The following NOD2 variants were observed in gnomAD, a reference collection of about 807,000 sequenced individuals.
NOD2 encodes the protein nucleotide binding oligomerization domain containing 2, also known as nucleotide-binding oligomerization domain-containing protein 2.
NOD2 carries 86 observed loss-of-function variants against 90.9 expected under a neutral mutation model. That is an observed-to-expected ratio of 0.95 (90% CI 0.79 to 1.13). NOD2 has a LOEUF of 1.13. Among genes scored for constraint, NOD2 ranks in the 50% most tolerant of loss-of-function variants. The pLI is 0.00. For synonymous variants in NOD2, 581 were observed against 554.6 expected (o/e 1.05, Z -0.67); for missense variants, 1,238 against 1,283.8 (o/e 0.96, Z 0.55).
rs1284557712 is a variant in NOD2, at chr16:50,710,681, T to G, written c.689T>G (p.Leu230Arg). 3 of 1,613,984 alleles carry G rather than the reference T, an allele frequency of 1.9e-6. No individual in the cohort carries two copies. In the Admixed American group the frequency reaches 5.0e-5, roughly 27 times the overall value. Residue 230 changes from leucine (L) to arginine (R), a missense_variant, in exon 4 of 12, where the codon CTG becomes CGG. Coordinates refer to ENST00000647318, the MANE Select transcript of NOD2 (RefSeq NM_001370466.1). Reference sequence around the variant, plus strand: ...GAGGACATATACACAGAGAATGTCCTGGAGGTCTGGGCAGATGTGGGCATG... The same window carrying G: ...GAGGACATATACACAGAGAATGTCCGGGAGGTCTGGGCAGATGTGGGCATG... ...CLEDIYTENV[L>R]EVWADVGMAG...
At position 50,710,582 on chromosome 16, in the gene NOD2, C is replaced by T. The variant is rs375336137; in HGVS notation, c.590C>T (p.Ala197Val). Reference protein sequence around the residue: ...LEAATCKKYMAKLRTTVSAQS... With the variant: ...LEAATCKKYMVKLRTTVSAQS... Reference sequence around the variant, plus strand: ...GCTGCCACATGCAAGAAGTATATGGCCAAGCTGAGGACCACGGTGTCTGCT... The same window carrying T: ...GCTGCCACATGCAAGAAGTATATGGTCAAGCTGAGGACCACGGTGTCTGCT... Residue 197 changes from alanine to valine, a missense_variant, in exon 4 of 12, where the codon GCC (alanine) becomes GTC (valine). Ala to Val is a moderately conservative substitution (Grantham distance 64). Around this residue, in one of 3 missense-constraint regions of NOD2, gnomAD observed 567 missense variants for 577.3 expected, o/e 0.98. Coordinates refer to ENST00000647318, the MANE Select transcript of NOD2 (RefSeq NM_001370466.1). 1.5e-5 allele frequency: 25 copies of T among 1,614,184 alleles called. No homozygotes were observed. The African/African-American group carries it at 2.7e-4, about 17-fold the overall frequency.
intron 2 of NOD2, among the ~76,000 whole-genome samples, chr16:50,704,165 T>C (rs1469384985): frequency 6.6e-6 from 1 of 152,212 alleles, no homozygotes; most frequent in Non-Finnish European, 1.5e-5. Flanking sequence ...TGCCCTCAAC[T>C]TGTTTGAATC....
chr16:50,704,107 TATAG>T, intron 2 of NOD2, among the ~76,000 whole-genome samples: 1 of 152,320 alleles, frequency 6.6e-6, no homozygotes, highest in Middle Eastern at 3.4e-3. Flanking sequence ...ACAAGTCAAA[TATAG>T]ATAAAGGTTA....
chr16:50,723,139 G>GAAAAA (rs59171756), intron 8 of NOD2, among the ~76,000 whole-genome samples, 162 bp from the exon 9 acceptor site: 2 of 107,842 alleles, frequency 1.9e-5, no homozygotes, highest in Non-Finnish European at 3.8e-5. Flanking sequence ...AAAAAGGGTA[G>GAAAAA]AAAAAAAAAA....
At chr16:50,722,488 G>T in intron 7 of NOD2, 134 bp from the exon 8 acceptor site, 2 of 883,498 alleles carry the variant, frequency 2.3e-6, no homozygotes, top group Non-Finnish European at 3.8e-6. Context: ...AGGAGCCCCA[G>T]TGAGGCCACT....
At chr16:50,703,939 A>AC (rs1964062886) in intron 2 of NOD2, among the ~76,000 whole-genome samples, 1 of 152,152 alleles carries the variant, frequency 6.6e-6, no homozygotes, top group East Asian at 1.9e-4. Flanking sequence ...TGGCCAGAGG[A>AC]AGTGGGCTGC....
rs1252162124 is a variant in NOD2 at position 50,707,924 on chromosome 16, CA to C, written c.530del (p.Gln177ArgfsTer23). The C allele has an allele frequency of 1.9e-6, 3 of 1,613,926 alleles. No homozygotes were observed. The highest frequency in any genetic ancestry group is 2.5e-6 in the Non-Finnish European group (3 of 1,179,820). On this transcript the variant is annotated frameshift_variant, in exon 3 of 12. Transcript: ENST00000647318. LOFTEE classifies it high-confidence loss of function. ...GLAAFLLQHV[Q>X]ELPVPLALPL... is the part of the protein sequence containing the mutation. Reference sequence around the variant, plus strand: ...GGCTGCCTTCCTTCTACAACATGTTCAGGAATTACCAGTCCCATTGGCCCTG... The same window carrying C: ...GGCTGCCTTCCTTCTACAACATGTTCGGAATTACCAGTCCCATTGGCCCTG...
At chr16:50,703,870 A>G (rs1172209581) in intron 2 of NOD2, among the ~76,000 whole-genome samples, 1 of 152,110 alleles carries the variant, frequency 6.6e-6, no homozygotes, top group Admixed American at 6.5e-5. Context: ...TATTGGGCTC[A>G]TTGCAACTGG....
In NOD2 at chr16:50,712,363, A is replaced by C. The variant is rs1238015032; in HGVS notation, c.2371A>C (p.Lys791Gln). The change falls in exon 4 of 12, where the codon AAG becomes CAG. Residue 791 changes from lysine to glutamine, a missense_variant. Transcript: ENST00000647318. ...EQLLPCLGVC[K>Q]ALYLRDNNIS... is the part of the protein sequence containing the mutation. ...GCTGCTGCCTTGCCTTGGTGTCTGC[A>C]AGGCTCTGTAGTGAGTGTTACTGGG... 2 of 1,613,654 alleles carry C rather than the reference A, an allele frequency of 1.2e-6. No individual in the cohort carries two copies. The highest frequency in any genetic ancestry group is 4.5e-5 in the East Asian group (2 of 44,890).
chr16:50,712,542 T>A (rs1964588244), intron 4 of NOD2, 169 bp downstream of exon 4: 2 of 785,070 alleles, frequency 2.5e-6, no homozygotes, highest in South Asian at 3.2e-5. Context: ...CAATATGTGA[T>A]GATGACAGCC....
rs529103209 is a variant in NOD2, at chr16:50,726,996, C to T, written c.2885+1424C>T. ...TCTCTACTAAAAATACAAAATTAGC[C>T]GGGCGTGGTGGCATACACCTGTAAT... On this transcript the variant is annotated intron_variant, in intron 10 of 11. Coordinates refer to ENST00000647318, the MANE Select transcript of NOD2 (RefSeq NM_001370466.1). Among the ~76,000 whole-genome samples, 39 of 151,950 alleles carry T rather than the reference C, an allele frequency of 2.6e-4. 1 individual carries two copies. Among genetic ancestry groups the T allele is most frequent in the Non-Finnish European group, 1.5e-5 (1 of 67,970 alleles).
At chr16:50,727,404 A>G (rs1182262290) in intron 10 of NOD2, 1 of 172,140 alleles carries the variant, frequency 5.8e-6, no homozygotes, top group Non-Finnish European at 1.2e-5. Context: ...TGAACTTTAA[A>G]TTATTATAAC....
At position 50,711,435 on chromosome 16, in the gene NOD2, G is replaced by A. The variant is rs767954756; in HGVS notation, c.1443G>A (p.Lys481=). The A allele has an allele frequency of 1.2e-6, 2 of 1,613,518 alleles. No individual in the cohort carries two copies. Among genetic ancestry groups the A allele is most frequent in the Non-Finnish European group, 1.7e-6 (2 of 1,180,024 alleles). ...ELLLQEGGSP[K]TTTDMYLLIL... is the part of the protein sequence containing the mutation. The stretch of plus-strand genomic sequence containing the variant: ...TGCTGCAGGAGGGGGGGTCCCCAAA[G>A]ACCACTACAGATATGTACCTGCTGA... The change falls in exon 4 of 12, where the codon AAG becomes AAA. Residue 481 remains lysine (K), a synonymous_variant. Coordinates refer to ENST00000647318, the MANE Select transcript of NOD2 (RefSeq NM_001370466.1).
intron 1 of NOD2, among the ~76,000 whole-genome samples, chr16:50,694,166 C>T (rs1963538881): frequency 6.6e-6 from 1 of 152,272 alleles, no homozygotes; most frequent in South Asian, 2.1e-4. Flanking sequence ...TGCTTTCATT[C>T]CAACAAACTG....
chr16:50,716,997 C>T (rs1713297195), intron 6 of NOD2, 23 bp downstream of exon 6: 1 of 1,610,470 alleles, frequency 6.2e-7, no homozygotes, highest in Non-Finnish European at 8.5e-7. Flanking sequence ...TTTCCTTATT[C>T]CCTGGAAACT....
At chr16:50,725,855 C>T (rs1440466095) in intron 10 of NOD2, among the ~76,000 whole-genome samples, 2 of 152,132 alleles carry the variant, frequency 1.3e-5, no homozygotes, top group African/African-American at 4.8e-5. Flanking sequence ...AATTGGAGCT[C>T]AGTACTCTGG....
chr16:50,719,636 T>C (rs1426407784), intron 6 of NOD2: 1 of 552,688 alleles, frequency 1.8e-6, no homozygotes. Context: ...ACCCTCGCTG[T>C]CCCGGGGAAA....
chr16:50,703,764 G>A (rs1964051992), intron 2 of NOD2, among the ~76,000 whole-genome samples: 2 of 152,012 alleles, frequency 1.3e-5, no homozygotes, highest in Non-Finnish European at 2.9e-5. Flanking sequence ...GCTAAGTGGA[G>A]TCTCAGGGAC....
chr16:50,702,001 A>C (rs543110856), intron 2 of NOD2, among the ~76,000 whole-genome samples: 1 of 152,334 alleles, frequency 6.6e-6, no homozygotes, highest in Admixed American at 6.5e-5. Flanking sequence ...GCTGGAGTGC[A>C]GTAGCACGAT....
Sources: gnomAD v4.1 joint callset for allele counts (sites outside exome capture counted in the v4.1 genomes callset) on GRCh38, gnomAD v4.1.1 for gene constraint, gnomAD v4.1.1 regional missense constraint, MANE v1.5 for transcripts, NCBI Gene and HGNC (gene_info 2026-07-23, HGNC 2026-07-21) for gene names.